Variants in TMTC2 observed in about 807,000 individuals in gnomAD.
TMTC2 encodes the protein protein O-mannosyl-transferase TMTC2.
Under a neutral mutation model 82.4 loss-of-function variants are expected in TMTC2, and 43 were observed. The observed-to-expected ratio is 0.52, with a 90% CI of 0.41 to 0.67. TMTC2 has a LOEUF of 0.67. Among genes scored for constraint, TMTC2 ranks in the 30% least tolerant of loss-of-function variants. The pLI is 0.00. For missense variants in TMTC2, 919 were observed against 1,012.4 expected, an observed-to-expected ratio of 0.91 and a Z score of 1.25; for synonymous variants, 408 against 381.9, an observed-to-expected ratio of 1.07 and a Z score of -0.80.
At chr12:83,061,577 A>G (rs140400663) in intron 10 of TMTC2, among the ~76,000 whole-genome samples, 191 bp from the exon 11 acceptor site, 134 of 151,848 alleles carry the variant, frequency 8.8e-4, no homozygotes, top group African/African-American at 3.1e-3. Flanking sequence ...TTAAGATACT[A>G]TTTATAATGC....
In TMTC2 at chr12:82,864,238, A is replaced by G. The variant is rs546658969; in HGVS notation, c.654+6658A>G. 1.5e-3 allele frequency among the ~76,000 whole-genome samples: 227 copies of G among 152,182 alleles called. 1 individual carries two copies. The highest frequency in any genetic ancestry group is 5.0e-3 in the African/African-American group (207 of 41,528). On this transcript the variant is annotated intron_variant, in intron 2 of 11. Transcript: ENST00000321196. Reference sequence around the variant, plus strand: ...TAGTGATATCGGGGCCTTCTGTGCTATATTGTGGCTCCCAAAATGTTGGGA... The same window carrying G: ...TAGTGATATCGGGGCCTTCTGTGCTGTATTGTGGCTCCCAAAATGTTGGGA...
Position 82,896,233 on chromosome 12 carries a change from A to T in TMTC2, c.1070A>T (p.Asp357Val). The T allele has an allele frequency of 6.2e-7, 1 of 1,614,076 alleles. No homozygotes were observed. The highest frequency in any genetic ancestry group is 8.5e-7 in the Non-Finnish European group (1 of 1,180,026). Residue 357 changes from aspartate to valine, a missense_variant, in exon 3 of 12, where the codon GAT becomes GTT. Transcript: ENST00000321196. ...QNANGHSCLS[D>V]VEYQNSETKS... ...GCAAATGGACATAGCTGCCTTTCAG[A>T]TGTGGAGTACCAGAACTCAGAGACT...
In TMTC2 at chr12:82,896,006, C is replaced by G. The variant is rs1413399097; in HGVS notation, c.843C>G (p.Leu281=). Residue 281 remains leucine, a synonymous_variant, in exon 3 of 12, where the codon CTC becomes CTG. Coordinates refer to ENST00000321196, the MANE Select transcript of TMTC2 (RefSeq NM_152588.3). ...LTFFYLPTKN[L]WLLLCPDTLS... ...TCTTCTACTTGCCAACCAAGAACCT[C>G]TGGCTGTTGCTATGTCCAGATACCC... is the stretch of plus-strand genomic sequence containing the variant. 2 of 1,613,808 alleles carry G rather than the reference C, an allele frequency of 1.2e-6. No individual in the cohort carries two copies. Among genetic ancestry groups the G allele is most frequent in the Non-Finnish European group, 1.7e-6 (2 of 1,180,018 alleles).
chr12:82,850,749 T>A (rs760321874), intron 1 of TMTC2, among the ~76,000 whole-genome samples: 2 of 151,964 alleles, frequency 1.3e-5, no homozygotes, highest in East Asian at 3.9e-4. Context: ...CCACTGATTT[T>A]GGAATGCTAT....
At chr12:82,869,626 G>A (rs754974417) in intron 2 of TMTC2, among the ~76,000 whole-genome samples, 2 of 152,052 alleles carry the variant, frequency 1.3e-5, no homozygotes, top group Non-Finnish European at 2.9e-5. Flanking sequence ...GATCGTGTGA[G>A]CCAGGAGTTC....
chr12:82,873,902 T>A (rs997159135), intron 2 of TMTC2, among the ~76,000 whole-genome samples: 6 of 152,196 alleles, frequency 3.9e-5, no homozygotes, highest in Non-Finnish European at 8.8e-5. Flanking sequence ...TTTAAATAAA[T>A]GGCCATCCTA....
intron 11 of TMTC2, among the ~76,000 whole-genome samples, chr12:83,084,658 T>A (rs375550486): frequency 2.0e-5 from 3 of 152,220 alleles, no homozygotes; most frequent in Admixed American, 2.0e-4. Context: ...ATTCAAAACA[T>A]GTTTTCCTGT....
intron 1 of TMTC2, among the ~76,000 whole-genome samples, chr12:82,844,597 C>A (rs1325101203): frequency 6.6e-6 from 1 of 151,370 alleles, no homozygotes; most frequent in African/African-American, 2.4e-5. Flanking sequence ...GTCAGGAGAT[C>A]GAGACCATCC....
chr12:83,026,607 T>G (rs1353710159), intron 8 of TMTC2, among the ~76,000 whole-genome samples: 1 of 151,980 alleles, frequency 6.6e-6, no homozygotes, highest in East Asian at 1.9e-4. Context: ...GTTTACTTTT[T>G]AAAAATAAAA....
At chr12:82,887,648 T>G (rs1873168606) in intron 2 of TMTC2, among the ~76,000 whole-genome samples, 1 of 152,248 alleles carries the variant, frequency 6.6e-6, no homozygotes, top group African/African-American at 2.4e-5. Context: ...TTTCTATGTA[T>G]GGCAGTTTCA....
intron 1 of TMTC2, among the ~76,000 whole-genome samples, chr12:82,775,104 A>C (rs1300237345): frequency 6.6e-6 from 1 of 152,078 alleles, no homozygotes; most frequent in Non-Finnish European, 1.5e-5. Context: ...ACAATGAAAA[A>C]AATTAAAGCA....
chr12:82,783,084 A>G (rs1877988017), intron 1 of TMTC2, among the ~76,000 whole-genome samples: 1 of 152,116 alleles, frequency 6.6e-6, no homozygotes, highest in South Asian at 2.1e-4. Context: ...TTAAGGGCAA[A>G]TGAACTTGGA....
chr12:82,701,719 C>T (rs1873092903), intron 1 of TMTC2, among the ~76,000 whole-genome samples: 2 of 150,728 alleles, frequency 1.3e-5, no homozygotes, highest in Non-Finnish European at 3.0e-5. Flanking sequence ...CGACATCGTG[C>T]CATTGTGCTC....
chr12:83,061,912 G>T, intron 11 of TMTC2, 81 bp downstream of exon 11: 1 of 1,110,560 alleles, frequency 9.0e-7, no homozygotes, highest in South Asian at 2.2e-5. Flanking sequence ...TCATGATACT[G>T]GTTTTTTGTT....
intron 1 of TMTC2, among the ~76,000 whole-genome samples, chr12:82,840,834 C>G (rs1219227119): frequency 1.3e-5 from 2 of 152,144 alleles, no homozygotes; most frequent in African/African-American, 4.8e-5. Flanking sequence ...GGCTGGAGTA[C>G]AGTGGCGTGA....
chr12:82,769,242 G>T (rs1032574986), intron 1 of TMTC2, among the ~76,000 whole-genome samples: 1 of 152,124 alleles, frequency 6.6e-6, no homozygotes, highest in Non-Finnish European at 1.5e-5. Context: ...GGAGGCCGAG[G>T]CGGGTGAAAC....
chr12:82,873,070 CAT>C (rs1872285546), intron 2 of TMTC2, among the ~76,000 whole-genome samples: 1 of 152,256 alleles, frequency 6.6e-6, no homozygotes, highest in African/African-American at 2.4e-5. Flanking sequence ...ATGTAATTCA[CAT>C]ATCATAAAAT....
intron 1 of TMTC2, among the ~76,000 whole-genome samples, chr12:82,852,874 T>C (rs1444628442): frequency 6.6e-6 from 1 of 152,200 alleles, no homozygotes; most frequent in Non-Finnish European, 1.5e-5. Flanking sequence ...ACTTGTATAT[T>C]AAATTCCAGT....
chr12:82,871,687 G>GTA (rs1555192963), intron 2 of TMTC2, among the ~76,000 whole-genome samples: 2 of 115,750 alleles, frequency 1.7e-5, no homozygotes, highest in East Asian at 5.3e-4. Context: ...TCATCTGTGT[G>GTA]TGTGTGTGTG....
Sources: gnomAD v4.1 joint callset for allele counts (sites outside exome capture counted in the v4.1 genomes callset) on GRCh38, gnomAD v4.1.1 for gene constraint, MANE v1.5 for transcripts, NCBI Gene and HGNC (gene_info 2026-07-23, HGNC 2026-07-21) for gene names.